PISD: variants seen among roughly 807,000 people sequenced by gnomAD.
The protein encoded by PISD is phosphatidylserine decarboxylase proenzyme, mitochondrial.
PISD carries 31 observed loss-of-function variants against 43.5 expected under a neutral mutation model. The ratio of observed to expected loss-of-function variants is 0.71; its 90% CI spans 0.54 to 0.96. PISD has a LOEUF of 0.96. Ranked by LOEUF, PISD falls within the 40% of genes least tolerant of loss-of-function variation. The pLI is 0.00. For synonymous variants in PISD, 259 were observed against 228.7 expected (o/e 1.13, Z -1.20); for missense variants, 523 against 548.4 (o/e 0.95, Z 0.46).
intron 3 of PISD, chr22:31,629,564 G>A (rs565663397): frequency 6.9e-6 from 1 of 145,434 alleles, no homozygotes; most frequent in Admixed American, 6.9e-5. Context: ...TGCCTGTAGG[G>A]GGCGCGTGCG....
chr22:31,641,416 G>T (rs1482808514), intron 3 of PISD, among the ~76,000 whole-genome samples: 1 of 152,114 alleles, frequency 6.6e-6, no homozygotes, highest in Non-Finnish European at 1.5e-5. Context: ...GTGACTTATG[G>T]GCAGGCAGCA....
chr22:31,648,836 G>A (rs1021710785), intron 2 of PISD, among the ~76,000 whole-genome samples: 8 of 152,036 alleles, frequency 5.3e-5, no homozygotes, highest in South Asian at 2.1e-4. Flanking sequence ...AACTGCCACC[G>A]CAGTCACAAA....
In PISD at chr22:31,662,171, A is replaced by G; in HGVS notation, c.38T>C (p.Leu13Pro). 6.2e-7 allele frequency: 1 copy of G among 1,606,762 alleles called. No individual in the cohort carries two copies. The change falls in exon 1 of 8, where the codon CTG (leucine) becomes CCG (proline). Residue 13 changes from leucine (L) to proline (P), a missense_variant. Coordinates refer to ENST00000439502, the MANE Select transcript of PISD (RefSeq NM_001326411.2). ...GCTCCGCCACGGCGCGACCCCGTGCAGTAATCCCAGACATCGGTGCCCCAC... is the reference window on the plus strand; with the variant it reads ...GCTCCGCCACGGCGCGACCCCGTGCGGTAATCCCAGACATCGGTGCCCCAC... Reference protein sequence around the residue: ...TSVGHRCLGLLHGVAPWRSSL... With the variant: ...TSVGHRCLGLPHGVAPWRSSL...
intron 3 of PISD, chr22:31,625,498 A>C: frequency 1.7e-6 from 1 of 575,306 alleles, no homozygotes; most frequent in Non-Finnish European, 3.1e-6. Flanking sequence ...GCACCAGGGT[A>C]GGGAAGATCG....
intron 1 of PISD, among the ~76,000 whole-genome samples, chr22:31,651,059 G>C (rs2074017546): frequency 6.6e-6 from 1 of 152,102 alleles, no homozygotes; most frequent in South Asian, 2.1e-4. Flanking sequence ...TGCCTCCCGG[G>C]CTCAAGTGAT....
At chr22:31,622,589 G>A (rs563741547) in intron 3 of PISD, among the ~76,000 whole-genome samples, 3 of 150,888 alleles carry the variant, frequency 2.0e-5, no homozygotes, top group East Asian at 1.9e-4. Flanking sequence ...TGTGTTCAAC[G>A]TTCTACTGTG....
chr22:31,624,070 T>C (rs1448316536), intron 3 of PISD, among the ~76,000 whole-genome samples: 1 of 152,216 alleles, frequency 6.6e-6, no homozygotes, highest in African/African-American at 2.4e-5. Flanking sequence ...AGCGGACTCA[T>C]TTCCCAGGCT....
At chr22:31,633,575 C>A (rs935558204) in intron 3 of PISD, among the ~76,000 whole-genome samples, 2 of 152,160 alleles carry the variant, frequency 1.3e-5, no homozygotes, top group African/African-American at 4.8e-5. Flanking sequence ...ATTAGCCAGG[C>A]ATGGTGGCGG....
intron 1 of PISD, among the ~76,000 whole-genome samples, chr22:31,659,280 C>A (rs1281501529): frequency 6.6e-6 from 1 of 152,146 alleles, no homozygotes; most frequent in Non-Finnish European, 1.5e-5. Flanking sequence ...GGCTTTATCC[C>A]GTATTCCACC....
intron 3 of PISD, among the ~76,000 whole-genome samples, chr22:31,626,766 G>C (rs1414464054): frequency 6.6e-6 from 1 of 152,248 alleles, no homozygotes; most frequent in East Asian, 1.9e-4. Context: ...TGCACAGATA[G>C]CGGAAGGAAG....
intron 1 of PISD, among the ~76,000 whole-genome samples, chr22:31,653,911 C>T (rs1194508567): frequency 2.0e-5 from 3 of 152,136 alleles, no homozygotes; most frequent in Non-Finnish European, 4.4e-5. Flanking sequence ...ATTACGGGAT[C>T]GTCCCGATTT....
intron 3 of PISD, among the ~76,000 whole-genome samples, chr22:31,633,140 G>A (rs62237847): frequency 0.055 from 8,383 of 152,266 alleles, 209 homozygotes; most frequent in Non-Finnish European, 0.065. Context: ...TTCCAGAACT[G>A]GAAAGACCCT....
At position 31,631,889 on chromosome 22, in the gene PISD, C is replaced by G. The variant is rs1032669369; in HGVS notation, c.322-10004G>C. ...GCCACTGAACAGGATACAATTCCAG[C>G]GGCTTCTCACCACTGAGATCTTTGT... On this transcript the variant is annotated intron_variant, in intron 3 of 7. Coordinates refer to ENST00000439502, the MANE Select transcript of PISD (RefSeq NM_001326411.2). Among the ~76,000 whole-genome samples the G allele has an allele frequency of 5.9e-5, 9 of 152,198 alleles. No individual in the cohort carries two copies. In the South Asian group the frequency reaches 1.4e-3, roughly 25 times the overall value.
chr22:31,630,967 G>T lies in PISD; in HGVS notation c.322-9082C>A. The T allele has an allele frequency of 3.1e-6, 2 of 648,336 alleles. No homozygotes were observed. Among genetic ancestry groups the T allele is most frequent in the Non-Finnish European group, 3.8e-6 (2 of 521,636 alleles). 40.2% of individuals were successfully genotyped at this position (648,336 alleles called of 1,614,324 possible). A position where few individuals can be genotyped will look rare whatever the true frequency, so the allele number is the denominator to read the frequency against. The stretch of plus-strand genomic sequence containing the variant: ...CCCTTAAAGCTGCCGCCCCCTCTGA[G>T]CCCCAGTCCTGCTGGGCCGTCCGCC... On this transcript the variant is annotated intron_variant, in intron 3 of 7. Coordinates refer to ENST00000439502, the MANE Select transcript of PISD (RefSeq NM_001326411.2). The surrounding 1 kb of genome is among the most constrained non-coding windows in gnomAD (Gnocchi z 4.4).
chr22:31,622,580 G>A (rs1408451806), intron 3 of PISD, among the ~76,000 whole-genome samples: 1 of 152,214 alleles, frequency 6.6e-6, no homozygotes, highest in Non-Finnish European at 1.5e-5. Flanking sequence ...GGCAGGACTT[G>A]TGTTCAACGT....
intron 1 of PISD, among the ~76,000 whole-genome samples, chr22:31,656,353 C>CA (rs1322252970): frequency 1.3e-5 from 2 of 148,578 alleles, no homozygotes; most frequent in Non-Finnish European, 3.0e-5. Context: ...CTGAAAAAAA[C>CA]AAAAAAATAA....
chr22:31,637,529 G>T (rs533569070), intron 3 of PISD, among the ~76,000 whole-genome samples: 2 of 151,996 alleles, frequency 1.3e-5, no homozygotes, highest in East Asian at 3.9e-4. Context: ...GCACCAGCTC[G>T]CGGCAGCCAC....
In PISD at chr22:31,619,205, G is replaced by C. The variant is rs1321383430; in HGVS notation, c.*407C>G. The C allele has an allele frequency of 9.2e-6, 3 of 325,492 alleles. No individual in the cohort carries two copies. The East Asian group carries it at 2.6e-4, about 28-fold the overall frequency. 20.2% of individuals were successfully genotyped at this position (325,492 alleles called of 1,614,324 possible). On this transcript the variant is annotated 3_prime_UTR_variant, in exon 8 of 8. Coordinates refer to ENST00000439502, the MANE Select transcript of PISD (RefSeq NM_001326411.2). Reference sequence around the variant, plus strand: ...TCACCCTGTGCAGCAGGAGCGTTAAGGCCAAAAAACAAAAGGGGCCAACAG... The same window carrying C: ...TCACCCTGTGCAGCAGGAGCGTTAACGCCAAAAAACAAAAGGGGCCAACAG...
rs533248615 is a variant in PISD at position 31,642,726 on chromosome 22, C to T, written c.321+5375G>A. Among the ~76,000 whole-genome samples, 42 of 145,872 alleles carry T rather than the reference C, an allele frequency of 2.9e-4. No homozygotes were observed. The South Asian group carries it at 4.2e-3, about 15-fold the overall frequency. ...AGGGGAATCACTTGAACCCGGGAGG[C>T]AGAGGTTGCAGTGAGCGAAGATCAC... On this transcript the variant is annotated intron_variant, in intron 3 of 7. Transcript: ENST00000439502.
Sources: gnomAD v4.1 joint callset for allele counts (sites outside exome capture counted in the v4.1 genomes callset) on GRCh38, gnomAD v4.1.1 for gene constraint, Gnocchi (gnomAD v3.1) non-coding constraint, MANE v1.5 for transcripts, NCBI Gene and HGNC (gene_info 2026-07-23, HGNC 2026-07-21) for gene names.